ACOT7: variants seen among roughly 807,000 people sequenced by gnomAD.
ACOT7 encodes acyl-CoA thioesterase 7.
In ACOT7, 12 loss-of-function variants were observed where a neutral mutation model predicts 40.2. That is an observed-to-expected ratio of 0.30 (90% CI 0.19 to 0.48). The LOEUF (loss-of-function observed/expected upper bound fraction) is 0.48. ACOT7 is among the 20% of genes least tolerant of loss of function. The pLI is 0.99. For missense variants in ACOT7, 395 were observed against 530.8 expected (o/e 0.74, Z 2.51); for synonymous variants, 228 against 219.5 (o/e 1.04, Z -0.34).
intron 6 of ACOT7, among the ~76,000 whole-genome samples, chr1:6,310,715 C>CTGTT (rs1413459235): frequency 9.2e-5 from 14 of 151,942 alleles, no homozygotes; most frequent in African/African-American, 3.4e-4. Context: ...GCTGGGGAAT[C>CTGTT]TGTTTGTTTG....
intron 8 of ACOT7, among the ~76,000 whole-genome samples, chr1:6,269,967 G>A (rs796080054): frequency 2.6e-5 from 4 of 152,358 alleles, no homozygotes; most frequent in African/African-American, 9.6e-5. Context: ...GCAGTCAAGG[G>A]CAGGGATGTC....
At chr1:6,356,746 G>A (rs771362448) in intron 1 of ACOT7, among the ~76,000 whole-genome samples, 36 of 152,020 alleles carry the variant, frequency 2.4e-4, no homozygotes, top group Non-Finnish European at 4.6e-4. Context: ...GTGAAACCCC[G>A]TCTCTATTAA....
chr1:6,339,743 T>C (rs1177969724), intron 2 of ACOT7, among the ~76,000 whole-genome samples, 154 bp from the exon 3 acceptor site: 2 of 150,030 alleles, frequency 1.3e-5, no homozygotes, highest in South Asian at 4.2e-4. Context: ...ACCGCGGTTT[T>C]TTTTTTTTTT....
intron 1 of ACOT7, among the ~76,000 whole-genome samples, chr1:6,381,032 T>TA (rs57876360): frequency 0.056 from 8,497 of 151,612 alleles, 393 homozygotes; most frequent in East Asian, 0.12. Flanking sequence ...AACGCAACAA[T>TA]AAAAAAACCA....
At chr1:6,331,781 G>A (rs1230991216) in intron 4 of ACOT7, among the ~76,000 whole-genome samples, 2 of 152,158 alleles carry the variant, frequency 1.3e-5, no homozygotes, top group African/African-American at 4.8e-5. Context: ...AACAGCAGCT[G>A]GACCCGGCAG....
chr1:6,283,803 G>C (rs1234229100), intron 7 of ACOT7, among the ~76,000 whole-genome samples: 1 of 152,192 alleles, frequency 6.6e-6, no homozygotes, highest in Admixed American at 6.5e-5. Context: ...CAGGCTATAA[G>C]GTTGGCTAGC....
intron 1 of ACOT7, among the ~76,000 whole-genome samples, chr1:6,356,786 G>A (rs58212211): frequency 0.068 from 10,294 of 152,042 alleles, 800 homozygotes; most frequent in African/African-American, 0.19. Flanking sequence ...GGGCGTGGTG[G>A]CAGGCTCCTA....
intron 6 of ACOT7, among the ~76,000 whole-genome samples, chr1:6,309,643 G>C (rs183487817): frequency 6.6e-6 from 1 of 151,878 alleles, no homozygotes; most frequent in Non-Finnish European, 1.5e-5. Flanking sequence ...TTCTTTGGCC[G>C]GCAGTTATTT....
intron 1 of ACOT7, among the ~76,000 whole-genome samples, chr1:6,354,638 T>G (rs1446324102): frequency 2.7e-5 from 4 of 148,462 alleles, no homozygotes; most frequent in African/African-American, 5.0e-5. Flanking sequence ...CCCCATGGCC[T>G]CTGCACTGGC....
rs1639054685 is a variant in ACOT7, at chr1:6,272,152, T to C, written c.1015-7457A>G. Reference sequence around the variant, plus strand: ...ACCTCTGCTGTGCGTGTGCCCACTCTGTGCTATGCCCTGTGGAGCCCTTCC... The same window carrying C: ...ACCTCTGCTGTGCGTGTGCCCACTCCGTGCTATGCCCTGTGGAGCCCTTCC... On this transcript the variant is annotated intron_variant, in intron 8 of 8. Transcript: ENST00000361521. Among the ~76,000 whole-genome samples the C allele has an allele frequency of 2.0e-5, 3 of 152,264 alleles. 1 individual carries two copies. Among genetic ancestry groups the C allele is most frequent in the Admixed American group, 2.0e-4 (3 of 15,290 alleles).
At chr1:6,378,420 T>A (rs1043043394) in intron 1 of ACOT7, among the ~76,000 whole-genome samples, 1 of 151,954 alleles carries the variant, frequency 6.6e-6, no homozygotes, top group Non-Finnish European at 1.5e-5. Flanking sequence ...GCAGGTACCG[T>A]TGGGCCTTCT....
chr1:6,336,333 C>CA (rs3029068), intron 3 of ACOT7, among the ~76,000 whole-genome samples: 2,612 of 51,538 alleles, frequency 0.051, 121 homozygotes, highest in African/African-American at 0.11. Context: ...GACTCGGTCT[C>CA]AAAAAAAAAA....
chr1:6,265,172 G>A (rs1483168941), intron 8 of ACOT7, among the ~76,000 whole-genome samples: 1 of 152,176 alleles, frequency 6.6e-6, no homozygotes, highest in South Asian at 2.1e-4. Context: ...CCCTGCATTC[G>A]CTGCACTCCC....
rs1321589331 is a variant in ACOT7 at position 6,355,320 on chromosome 1, C to T, written c.144-5454G>A. 6.6e-6 allele frequency among the ~76,000 whole-genome samples: 1 copy of T among 152,204 alleles called. No homozygotes were observed. The highest frequency in any genetic ancestry group is 1.5e-5 in the Non-Finnish European group (1 of 68,048). On this transcript the variant is annotated intron_variant, in intron 1 of 8. Transcript: ENST00000361521. The surrounding 1 kb of genome is among the most constrained non-coding windows in gnomAD (Gnocchi z 5.0). ...TTTACCCCACAGCTGTTTCCACACACGGTTAAACGAAGCACTGCAAGGGTA... is the reference window on the plus strand; with the variant it reads ...TTTACCCCACAGCTGTTTCCACACATGGTTAAACGAAGCACTGCAAGGGTA...
intron 6 of ACOT7, among the ~76,000 whole-genome samples, chr1:6,315,456 T>A (rs1640462943): frequency 6.6e-6 from 1 of 152,094 alleles, no homozygotes; most frequent in African/African-American, 2.4e-5. Context: ...CCAGGCCCTA[T>A]AAGAGAAGGT....
intron 1 of ACOT7, among the ~76,000 whole-genome samples, chr1:6,386,381 G>T (rs953906597): frequency 7.9e-5 from 12 of 152,152 alleles, no homozygotes; most frequent in Non-Finnish European, 1.8e-4. Context: ...CAAGAGTAGA[G>T]GGAGGAGGGA....
intron 4 of ACOT7, among the ~76,000 whole-genome samples, chr1:6,332,458 C>T (rs1447408038): frequency 6.6e-6 from 1 of 152,230 alleles, no homozygotes; most frequent in African/African-American, 2.4e-5. Flanking sequence ...GTGGCTTCCA[C>T]AGGCTTCGCC....
chr1:6,332,601 G>A (rs1234720085), intron 4 of ACOT7, among the ~76,000 whole-genome samples: 1 of 152,100 alleles, frequency 6.6e-6, no homozygotes, highest in Non-Finnish European at 1.5e-5. Flanking sequence ...GGATCATGAG[G>A]TCAGGAGATC....
intron 6 of ACOT7, among the ~76,000 whole-genome samples, chr1:6,304,107 A>G (rs1640047949): frequency 6.6e-6 from 1 of 152,204 alleles, no homozygotes; most frequent in African/African-American, 2.4e-5. Context: ...CTGCGGCCTC[A>G]GCCTGGAGGC....
Sources: gnomAD v4.1 joint callset for allele counts (sites outside exome capture counted in the v4.1 genomes callset) on GRCh38, gnomAD v4.1.1 for gene constraint, Gnocchi (gnomAD v3.1) non-coding constraint, MANE v1.5 for transcripts, NCBI Gene and HGNC (gene_info 2026-07-23, HGNC 2026-07-21) for gene names.